The following PTPRK variants were observed in gnomAD, a reference collection of about 807,000 sequenced individuals.
The protein encoded by PTPRK is protein tyrosine phosphatase receptor type K.
A neutral mutation model predicts 178.0 loss-of-function variants in PTPRK; 75 were observed. The ratio of observed to expected loss-of-function variants is 0.42; its 90% confidence interval spans 0.35 to 0.51. The LOEUF is 0.51. Ranked by LOEUF, PTPRK falls within the 20% of genes least tolerant of loss-of-function variation. The pLI, the probability that PTPRK is intolerant of heterozygous loss-of-function variation, is 0.02. For missense variants in PTPRK, 1,441 were observed against 1,797.8 expected, an observed-to-expected ratio of 0.80 and a Z score of 3.59; for synonymous variants, 637 against 620.6, an observed-to-expected ratio of 1.03 and a Z score of -0.39.
intron 3 of PTPRK, among the ~76,000 whole-genome samples, chr6:128,291,182 A>G (rs1314486196): frequency 1.3e-5 from 2 of 152,106 alleles, no homozygotes; most frequent in African/African-American, 4.8e-5. Context: ...CAATGTAGCT[A>G]CAGAAGAGGT....
At chr6:128,115,367 GCTCACC>G (rs1791330799) in intron 7 of PTPRK, among the ~76,000 whole-genome samples, 2 of 151,942 alleles carry the variant, frequency 1.3e-5, no homozygotes, top group African/African-American at 2.4e-5. Context: ...AATTGGAAGT[GCTCACC>G]CTTTCTCCAC....
intron 5 of PTPRK, among the ~76,000 whole-genome samples, chr6:128,233,105 G>C (rs1195425821): frequency 6.6e-6 from 1 of 152,142 alleles, no homozygotes; most frequent in Admixed American, 6.5e-5. Context: ...AATAAATAGT[G>C]TCAGGATAGT....
At chr6:128,144,069 T>C (rs1314096371) in intron 7 of PTPRK, among the ~76,000 whole-genome samples, 2 of 152,122 alleles carry the variant, frequency 1.3e-5, no homozygotes, top group Non-Finnish European at 2.9e-5. Flanking sequence ...TTGATTCTTT[T>C]TGCATTCAGA....
chr6:128,071,118 TA>T (rs11410139), intron 11 of PTPRK, among the ~76,000 whole-genome samples: 11 of 149,056 alleles, frequency 7.4e-5, no homozygotes, highest in African/African-American at 1.5e-4. Flanking sequence ...ATAGAGAGGT[TA>T]AAAAAAAAAC....
intron 25 of PTPRK, among the ~76,000 whole-genome samples, chr6:127,979,406 T>C (rs905808003): frequency 2.0e-5 from 3 of 152,284 alleles, no homozygotes; most frequent in Non-Finnish European, 4.4e-5. Context: ...CCTTTTCTTG[T>C]TCACACATCC....
intron 1 of PTPRK, among the ~76,000 whole-genome samples, chr6:128,425,331 C>T (rs372008272): frequency 1.3e-5 from 2 of 152,016 alleles, no homozygotes; most frequent in Non-Finnish European, 2.9e-5. Flanking sequence ...CCTGCCTCAG[C>T]CTCCCAAAGT....
intron 7 of PTPRK, among the ~76,000 whole-genome samples, chr6:128,150,125 G>A (rs147073070): frequency 9.9e-5 from 15 of 152,242 alleles, no homozygotes; most frequent in African/African-American, 2.9e-4. Context: ...GAAGTTTAGC[G>A]GATCTGGTTG....
At chr6:128,114,191 A>T (rs1196035598) in intron 7 of PTPRK, among the ~76,000 whole-genome samples, 1 of 151,988 alleles carries the variant, frequency 6.6e-6, no homozygotes, top group Non-Finnish European at 1.5e-5. Context: ...GGTTTAACTG[A>T]CTCACAGTGC....
At chr6:128,353,903 T>C (rs1339337736) in intron 2 of PTPRK, among the ~76,000 whole-genome samples, 1 of 152,226 alleles carries the variant, frequency 6.6e-6, no homozygotes, top group Non-Finnish European at 1.5e-5. Flanking sequence ...GATCAGGTTC[T>C]ATCAATATCG....
intron 13 of PTPRK, among the ~76,000 whole-genome samples, chr6:128,056,786 C>T (rs891664771): frequency 1.3e-5 from 2 of 152,114 alleles, no homozygotes; most frequent in Non-Finnish European, 2.9e-5. Context: ...AAAACCTGAA[C>T]TGCATACATA....
chr6:128,003,180 A>G (rs1302719778), intron 15 of PTPRK: 1 of 1,594,976 alleles, frequency 6.3e-7, no homozygotes, highest in Admixed American at 1.7e-5. Flanking sequence ...AAAGATGATA[A>G]AGATTTAGGG....
intron 14 of PTPRK, among the ~76,000 whole-genome samples, chr6:128,007,859 GT>G (rs1185234705): frequency 6.6e-6 from 1 of 150,900 alleles, no homozygotes; most frequent in Non-Finnish European, 1.5e-5. Flanking sequence ...GAGACATAAG[GT>G]CTGAAGGTTA....
chr6:127,982,341 C>G (rs911404627), intron 24 of PTPRK, among the ~76,000 whole-genome samples: 12 of 152,062 alleles, frequency 7.9e-5, no homozygotes, highest in African/African-American at 2.9e-4. Flanking sequence ...GGTGCAATCT[C>G]GGCTCACTGC....
intron 7 of PTPRK, among the ~76,000 whole-genome samples, chr6:128,151,767 A>AG (rs1797285717): frequency 1.3e-5 from 2 of 152,088 alleles, no homozygotes; most frequent in African/African-American, 4.8e-5. Context: ...GTTTGAATGG[A>AG]GTGATCAAGG....
At chr6:128,350,918 CA>C (rs941458000) in intron 2 of PTPRK, among the ~76,000 whole-genome samples, 1 of 149,638 alleles carries the variant, frequency 6.7e-6, no homozygotes, top group Middle Eastern at 3.5e-3. Context: ...AGAAGCTAAG[CA>C]AAAAAAAAGA....
chr6:128,124,760 G>C (rs1044201827), intron 7 of PTPRK, among the ~76,000 whole-genome samples: 3 of 152,062 alleles, frequency 2.0e-5, no homozygotes, highest in Non-Finnish European at 2.9e-5. Flanking sequence ...CAATCAGCTG[G>C]AGACCTGAAT....
At chr6:128,228,338 A>G (rs1033641952) in intron 5 of PTPRK, among the ~76,000 whole-genome samples, 1 of 152,118 alleles carries the variant, frequency 6.6e-6, no homozygotes, top group African/African-American at 2.4e-5. Flanking sequence ...CAGATAAAGT[A>G]CTACAAATCA....
chr6:128,438,759 G>A (rs1003414464), intron 1 of PTPRK, among the ~76,000 whole-genome samples: 1 of 152,126 alleles, frequency 6.6e-6, no homozygotes, highest in Non-Finnish European at 1.5e-5. Context: ...GATGAATACA[G>A]TACCACTACT....
At chr6:128,158,394 G>A (rs1174642329) in intron 7 of PTPRK, among the ~76,000 whole-genome samples, 4 of 151,794 alleles carry the variant, frequency 2.6e-5, no homozygotes, top group Non-Finnish European at 5.9e-5. Context: ...ATGTACCCTA[G>A]AACTTAAAGT....
Sources: gnomAD v4.1 joint callset for allele counts (sites outside exome capture counted in the v4.1 genomes callset) on GRCh38, gnomAD v4.1.1 for gene constraint, MANE v1.5 for transcripts, NCBI Gene and HGNC (gene_info 2026-07-23, HGNC 2026-07-21) for gene names.